FBN2: variants seen among roughly 807,000 people sequenced by gnomAD.
The protein encoded by FBN2 is fibrillin 2, also known as fibrillin-2.
Under a neutral mutation model 355.6 loss-of-function variants are expected in FBN2, and 105 were observed. That is an observed-to-expected ratio of 0.30 (90% CI 0.25 to 0.35). The LOEUF is 0.35. Ranked by LOEUF, FBN2 falls within the 10% of genes least tolerant of loss-of-function variation. FBN2 has a pLI of 1.00. For synonymous variants in FBN2, 1,350 were observed against 1,301.2 expected (o/e 1.04, Z -0.81); for missense variants, 3,280 against 3,758.7 (o/e 0.87, Z 3.33).
chr5:128,274,024 G>A (rs1052722433), intron 60 of FBN2, 56 bp from the exon 61 acceptor site: 16 of 1,602,144 alleles, frequency 1.0e-5, no homozygotes, highest in South Asian at 5.5e-5. Flanking sequence ...CATGTCTTAC[G>A]TTTCATGGGA....
chr5:128,350,591 C>T (rs566421731), intron 21 of FBN2, among the ~76,000 whole-genome samples: 1 of 152,096 alleles, frequency 6.6e-6, no homozygotes, highest in Non-Finnish European at 1.5e-5. Flanking sequence ...AAAACAGCCA[C>T]CACGCAAACA....
chr5:128,451,990 G>T (rs957068532), intron 6 of FBN2, among the ~76,000 whole-genome samples: 3 of 152,124 alleles, frequency 2.0e-5, no homozygotes, highest in African/African-American at 7.2e-5. Flanking sequence ...TATTTTTGAA[G>T]TCTCCTAGGC....
chr5:128,425,739 C>T (rs1001406418), intron 7 of FBN2, among the ~76,000 whole-genome samples: 1 of 152,052 alleles, frequency 6.6e-6, no homozygotes, highest in Non-Finnish European at 1.5e-5. Context: ...GAGCATTAGC[C>T]TCTGTGTTTT....
Position 128,328,800 on chromosome 5 carries a change from T to A in FBN2, c.4367A>T (p.Asn1456Ile). 1 of 1,614,156 alleles carries A rather than the reference T, an allele frequency of 6.2e-7. No individual in the cohort carries two copies. The highest frequency in any genetic ancestry group is 8.5e-7 in the Non-Finnish European group (1 of 1,180,006). Residue 1456 changes from asparagine to isoleucine, a missense_variant, in exon 34 of 65, where the codon AAC (asparagine) becomes ATC (isoleucine). This residue lies in a region of FBN2 where 2,284 missense variants were observed against 2,749.5 expected (regional missense o/e 0.83). Coordinates refer to ENST00000262464, the MANE Select transcript of FBN2 (RefSeq NM_001999.4). ...TCSDVDECAE[N>I]INLCENGQCL... ...CTGTCCGTTCTCACAGAGGTTTATG[T>A]TTTCTGCACACTCATCAACATCTGT...
chr5:128,271,911 G>T, intron 62 of FBN2, 88 bp downstream of exon 62: 1 of 1,503,772 alleles, frequency 6.6e-7, no homozygotes, highest in Non-Finnish European at 9.3e-7. Flanking sequence ...AGGCTATACT[G>T]AAATCTCAAC....
intron 34 of FBN2, among the ~76,000 whole-genome samples, chr5:128,327,887 T>C (rs39938): frequency 0.79 from 120,651 of 152,136 alleles, 48,099 homozygotes; most frequent in East Asian, 0.93. Context: ...ATCCACCTGC[T>C]TCGGCCTCCC....
At position 128,334,820 on chromosome 5, in the gene FBN2, G is replaced by C; in HGVS notation, c.3998C>G (p.Ser1333Ter). ...CIDVNECDLN[S>*]NICMFGECEN... is the part of the protein sequence containing the mutation. ...ACATTCCCCAAACATGCAGATATTTGAATTTAGGTCACATTCATTGACATC... is the reference window on the plus strand; with the variant it reads ...ACATTCCCCAAACATGCAGATATTTCAATTTAGGTCACATTCATTGACATC... Residue 1333 changes from serine to a stop codon, truncating the protein, a stop_gained, in exon 31 of 65, where the codon TCA becomes TGA. Transcript: ENST00000262464. LOFTEE classifies it high-confidence loss of function. The C allele has an allele frequency of 6.2e-7, 1 of 1,612,382 alleles. No individual in the cohort carries two copies. Among genetic ancestry groups the C allele is most frequent in the Non-Finnish European group, 8.5e-7 (1 of 1,178,446 alleles).
chr5:128,338,460 G>A (rs935234846), intron 26 of FBN2, among the ~76,000 whole-genome samples: 1 of 152,146 alleles, frequency 6.6e-6, no homozygotes, highest in African/African-American at 2.4e-5. Context: ...TCAGGGTGAA[G>A]GAGAATCTTA....
At chr5:128,497,931 T>C (rs1325527623) in intron 5 of FBN2, among the ~76,000 whole-genome samples, 2 of 152,182 alleles carry the variant, frequency 1.3e-5, no homozygotes. Flanking sequence ...TCAACCAATT[T>C]ATCCCTTTCT....
intron 5 of FBN2, among the ~76,000 whole-genome samples, chr5:128,494,356 A>G (rs1280270751): frequency 6.6e-6 from 1 of 152,156 alleles, no homozygotes; most frequent in East Asian, 1.9e-4. Flanking sequence ...TAGGCAATTA[A>G]AAGGAGGCTG....
At chr5:128,408,145 A>G (rs1752979676) in intron 8 of FBN2, among the ~76,000 whole-genome samples, 1 of 152,204 alleles carries the variant, frequency 6.6e-6, no homozygotes, top group South Asian at 2.1e-4. Flanking sequence ...GCTCGCAATA[A>G]GACAGATGTC....
At chr5:128,413,142 G>C (rs1302780317) in intron 7 of FBN2, among the ~76,000 whole-genome samples, 1 of 152,158 alleles carries the variant, frequency 6.6e-6, no homozygotes. Flanking sequence ...CTAAAAATTT[G>C]GGTATGAAAC....
intron 17 of FBN2, chr5:128,365,272 C>T (rs1038511281): frequency 6.4e-6 from 1 of 155,586 alleles, no homozygotes; most frequent in Non-Finnish European, 1.4e-5. Flanking sequence ...TATAACGAGC[C>T]GTGAACATGA....
intron 48 of FBN2, among the ~76,000 whole-genome samples, chr5:128,293,690 A>G (rs1749401485): frequency 6.6e-6 from 1 of 152,146 alleles, no homozygotes; most frequent in African/African-American, 2.4e-5. Context: ...AGGCATATGT[A>G]TTTCTATTTC....
chr5:128,449,321 C>A (rs1326875494), intron 6 of FBN2, among the ~76,000 whole-genome samples: 1 of 145,816 alleles, frequency 6.9e-6, no homozygotes, highest in East Asian at 2.0e-4. Flanking sequence ...ATACAGTATA[C>A]TATATAGTAT....
At chr5:128,261,642 A>T in intron 64 of FBN2, 94 bp downstream of exon 64, 1 of 1,073,130 alleles carries the variant, frequency 9.3e-7, no homozygotes, top group Non-Finnish European at 1.4e-6. Context: ...AGGTATGATT[A>T]ACTTCAGTGA....
At position 128,504,460 on chromosome 5, in the gene FBN2, G is replaced by A. The variant is rs575617290; in HGVS notation, c.628+14813C>T. On this transcript the variant is annotated intron_variant, in intron 5 of 64. Transcript: ENST00000262464. The stretch of plus-strand genomic sequence containing the variant: ...CTGTAACCTGCAAAGCTACAGGGGC[G>A]GAGCTGCCCAAGACCATGGGGACCC... Among the ~76,000 whole-genome samples the A allele has an allele frequency of 4.6e-5, 7 of 152,286 alleles. No homozygotes were observed. In the South Asian group the frequency reaches 1.0e-3, roughly 23 times the overall value.
intron 38 of FBN2, 94 bp from the exon 39 acceptor site, chr5:128,311,519 C>G: frequency 7.3e-7 from 1 of 1,379,300 alleles, no homozygotes; most frequent in Non-Finnish European, 1.0e-6. Flanking sequence ...TTGTAAGAAT[C>G]AGATTTCTAT....
chr5:128,477,716 G>A (rs917523378), intron 5 of FBN2, among the ~76,000 whole-genome samples: 4 of 152,092 alleles, frequency 2.6e-5, no homozygotes, highest in Admixed American at 6.6e-5. Context: ...AACAGACCCC[G>A]AGTCTGAAGT....
Sources: gnomAD v4.1 joint callset for allele counts (sites outside exome capture counted in the v4.1 genomes callset) on GRCh38, gnomAD v4.1.1 for gene constraint, gnomAD v4.1.1 regional missense constraint, MANE v1.5 for transcripts, NCBI Gene and HGNC (gene_info 2026-07-23, HGNC 2026-07-21) for gene names.